The following RNF149 variants were observed in gnomAD, a reference collection of about 807,000 sequenced individuals.
The protein encoded by RNF149 is ring finger protein 149.
Under a neutral mutation model 39.0 loss-of-function variants are expected in RNF149, and 21 were observed. The observed-to-expected ratio is 0.54, with a 90% CI of 0.38 to 0.77. The LOEUF is 0.77. Among genes scored for constraint, RNF149 ranks in the 30% least tolerant of loss-of-function variants. RNF149 has a pLI of 0.00. For synonymous variants in RNF149, 209 were observed against 213.6 expected (o/e 0.98, Z 0.19); for missense variants, 493 against 534.9 (o/e 0.92, Z 0.77).
intron 4 of RNF149, among the ~76,000 whole-genome samples, chr2:101,286,873 G>A (rs1483824522): frequency 6.6e-6 from 1 of 152,204 alleles, no homozygotes; most frequent in Non-Finnish European, 1.5e-5. Context: ...CTCTGAACTA[G>A]GTTCCTACAC....
At chr2:101,305,471 A>G (rs760649675) in intron 1 of RNF149, among the ~76,000 whole-genome samples, 6 of 152,140 alleles carry the variant, frequency 3.9e-5, no homozygotes, top group Non-Finnish European at 8.8e-5. Context: ...GCTCTGTTTA[A>G]TCCATGTATC....
chr2:101,279,183 C>T lies in RNF149; in HGVS notation c.1160-1902G>A, dbSNP rs575765276. ...AGAAAAATAGAATGTGAGCCCCATA[C>T]GGGGTGGGGTGGGGACACTGGGGAA... On this transcript the variant is annotated intron_variant, in intron 6 of 6. Coordinates refer to ENST00000295317, the MANE Select transcript of RNF149 (RefSeq NM_173647.4). Among the ~76,000 whole-genome samples, 7 of 152,246 alleles carry T rather than the reference C, an allele frequency of 4.6e-5. No homozygotes were observed. In the East Asian group the frequency reaches 1.2e-3, roughly 25 times the overall value.
In RNF149 at chr2:101,308,135, G is replaced by A; in HGVS notation, c.454C>T (p.His152Tyr). 1.2e-6 allele frequency: 2 copies of A among 1,608,542 alleles called. No homozygotes were observed. The highest frequency in any genetic ancestry group is 1.3e-5 in the African/African-American group (1 of 74,360). Residue 152 changes from histidine (H) to tyrosine (Y), a missense_variant, in exon 1 of 7, where the codon CAC becomes TAC. Transcript: ENST00000295317. ...CGCGCCCCGGCCTGCTCACCCGCGT[G>A]AGACATGGGCAAGGTGATGTTCCCG... ...RYGNITLPMS[H>Y]AGTGNIVVIM...
At position 101,294,997 on chromosome 2, in the gene RNF149, C is replaced by T. The variant is rs573076574; in HGVS notation, c.645G>A (p.Ser215=). 114 of 1,613,946 alleles carry T rather than the reference C, an allele frequency of 7.1e-5. No homozygotes were observed. Among genetic ancestry groups the T allele is most frequent in the Admixed American group, 3.2e-4 (19 of 60,020 alleles). ...TATAGTAAAATATTAGCCAGGCTAA[C>T]GAGATAATCATCATGGTGATGAAGG... ...AIAFITMMII[S]LAWLIFYYIQ... The change falls in exon 2 of 7, where the codon TCG becomes TCA. Residue 215 remains serine (S), a synonymous_variant. Coordinates refer to ENST00000295317, the MANE Select transcript of RNF149 (RefSeq NM_173647.4).
At chr2:101,282,151 A>C in intron 5 of RNF149, 94 bp from the exon 6 acceptor site, 1 of 1,519,232 alleles carries the variant, frequency 6.6e-7, no homozygotes, top group Non-Finnish European at 8.8e-7. Context: ...ACACAATATT[A>C]CGTACTTCTG....
At chr2:101,280,580 C>T (rs112752170) in intron 6 of RNF149, among the ~76,000 whole-genome samples, 1,887 of 151,964 alleles carry the variant, frequency 0.012, 44 homozygotes, top group African/African-American at 0.042. Context: ...CATGAGAGAA[C>T]GGGAAACTAA....
intron 3 of RNF149, among the ~76,000 whole-genome samples, chr2:101,293,648 T>C (rs1683103574): frequency 6.6e-6 from 1 of 152,192 alleles, no homozygotes; most frequent in African/African-American, 2.4e-5. Flanking sequence ...ACACATAGTC[T>C]CAGATTTAAC....
intron 4 of RNF149, 46 bp from the exon 5 acceptor site, chr2:101,286,223 T>C (rs375868649): frequency 1.8e-6 from 2 of 1,120,556 alleles, no homozygotes; most frequent in Non-Finnish European, 2.7e-6. Flanking sequence ...TCAATGTTTA[T>C]ATAACTTATA....
intron 3 of RNF149, among the ~76,000 whole-genome samples, chr2:101,293,174 T>C (rs532119512): frequency 1.3e-5 from 2 of 152,046 alleles, no homozygotes; most frequent in Non-Finnish European, 2.9e-5. Flanking sequence ...AGCTAATGTG[T>C]TATTTTTGCT....
At chr2:101,296,456 C>G (rs997380337) in intron 1 of RNF149, among the ~76,000 whole-genome samples, 2 of 152,000 alleles carry the variant, frequency 1.3e-5, no homozygotes, top group Non-Finnish European at 2.9e-5. Flanking sequence ...ACAGTGAAAC[C>G]TGGACTGGTC....
At chr2:101,278,590 A>G (rs1682441927) in intron 6 of RNF149, among the ~76,000 whole-genome samples, 2 of 152,236 alleles carry the variant, frequency 1.3e-5, no homozygotes, top group South Asian at 4.1e-4. Flanking sequence ...GGTATACAAC[A>G]TGATGTTCTG....
downstream of RNF149, among the ~76,000 whole-genome samples, chr2:101,272,359 T>C (rs1235953107): frequency 1.3e-5 from 2 of 152,214 alleles, no homozygotes; most frequent in Non-Finnish European, 2.9e-5. Flanking sequence ...TTCACAACTT[T>C]GCTGTACAAA....
intron 1 of RNF149, among the ~76,000 whole-genome samples, chr2:101,295,636 G>C (rs186551257): frequency 1.2e-4 from 18 of 150,278 alleles, no homozygotes; most frequent in Non-Finnish European, 2.2e-4. Context: ...ACTCCAGCCC[G>C]GGCGACAGTG....
intron 5 of RNF149, among the ~76,000 whole-genome samples, chr2:101,285,527 G>A (rs1042636535): frequency 6.6e-6 from 1 of 152,180 alleles, no homozygotes; most frequent in Non-Finnish European, 1.5e-5. Context: ...CATTTGTTCA[G>A]CATGTGGCTA....
At position 101,276,607 on chromosome 2, in the gene RNF149, C is replaced by T; in HGVS notation, c.*631G>A. 2.0e-6 allele frequency: 2 copies of T among 985,632 alleles called. No homozygotes were observed. Among genetic ancestry groups the T allele is most frequent in the Non-Finnish European group, 2.4e-6 (2 of 829,914 alleles). 61.1% of individuals were successfully genotyped at this position (985,632 alleles called of 1,614,324 possible). On this transcript the variant is annotated 3_prime_UTR_variant, in exon 7 of 7. Coordinates refer to ENST00000295317, the MANE Select transcript of RNF149 (RefSeq NM_173647.4). ...GATTTCCCTCCCCAACAAGGCGTCACAAGAAATGAGGCAATAAAGGGAAAA... is the reference window on the plus strand; with the variant it reads ...GATTTCCCTCCCCAACAAGGCGTCATAAGAAATGAGGCAATAAAGGGAAAA...
Position 101,295,005 on chromosome 2 carries a change from T to A in RNF149, c.637A>T (p.Ile213Phe). The A allele has an allele frequency of 1.2e-6, 2 of 1,614,048 alleles. No homozygotes were observed. The highest frequency in any genetic ancestry group is 1.7e-6 in the Non-Finnish European group (2 of 1,179,932). Reference sequence around the variant, plus strand: ...AATATTAGCCAGGCTAACGAGATAATCATCATGGTGATGAAGGCAATGGCC... The same window carrying A: ...AATATTAGCCAGGCTAACGAGATAAACATCATGGTGATGAAGGCAATGGCC... ...FVAIAFITMM[I>F]ISLAWLIFYY... The change falls in exon 2 of 7, where the codon ATT (isoleucine) becomes TTT (phenylalanine). Residue 213 changes from isoleucine to phenylalanine, a missense_variant. Ile to Phe is a conservative substitution (Grantham distance 21, BLOSUM62 0). Coordinates refer to ENST00000295317, the MANE Select transcript of RNF149 (RefSeq NM_173647.4).
At chr2:101,287,773 C>A (rs1323407375) in intron 4 of RNF149, among the ~76,000 whole-genome samples, 1 of 152,176 alleles carries the variant, frequency 6.6e-6, no homozygotes, top group Non-Finnish European at 1.5e-5. Flanking sequence ...CTGATACTCA[C>A]GCCTTCATTT....
At chr2:101,300,406 A>G (rs1044368591) in intron 1 of RNF149, among the ~76,000 whole-genome samples, 2 of 152,230 alleles carry the variant, frequency 1.3e-5, no homozygotes, top group African/African-American at 2.4e-5. Context: ...TACTGCCGCA[A>G]CAAGTATCAG....
chr2:101,280,316 AAAC>A (rs1215779606), intron 6 of RNF149, among the ~76,000 whole-genome samples: 3 of 152,168 alleles, frequency 2.0e-5, no homozygotes, highest in Non-Finnish European at 2.9e-5. Flanking sequence ...ATTATTCACT[AAAC>A]AATATTAGGA....
Sources: gnomAD v4.1 joint callset for allele counts (sites outside exome capture counted in the v4.1 genomes callset) on GRCh38, gnomAD v4.1.1 for gene constraint, MANE v1.5 for transcripts, NCBI Gene and HGNC (gene_info 2026-07-23, HGNC 2026-07-21) for gene names.